The following CAPS2 variants were observed in gnomAD, a reference collection of about 807,000 sequenced individuals.
CAPS2 encodes calcyphosin-2.
A neutral mutation model predicts 86.5 loss-of-function variants in CAPS2; 98 were observed. The ratio of observed to expected loss-of-function variants is 1.13; its 90% CI spans 0.96 to 1.34. CAPS2 has a LOEUF of 1.34. Ranked by LOEUF, CAPS2 falls within the 40% of genes most tolerant of loss-of-function variation. The probability of loss-of-function intolerance (pLI) is 0.00; values close to 1 mark genes in which losing one functional copy is unlikely to be tolerated. For synonymous variants in CAPS2, 210 were observed against 225.1 expected (o/e 0.93, Z 0.60); for missense variants, 729 against 686.8 (o/e 1.06, Z -0.69).
chr12:75,320,287 T>C (rs1263765772), intron 5 of CAPS2, among the ~76,000 whole-genome samples: 1 of 152,160 alleles, frequency 6.6e-6, no homozygotes, highest in Non-Finnish European at 1.5e-5. Context: ...AAAAATATTT[T>C]GAACAATTTT....
At chr12:75,374,325 A>C (rs992638156) in intron 1 of CAPS2, among the ~76,000 whole-genome samples, 1 of 152,174 alleles carries the variant, frequency 6.6e-6, no homozygotes, top group Non-Finnish European at 1.5e-5. Context: ...AACACACCCA[A>C]ATGAGGAATG....
intron 1 of CAPS2, chr12:75,367,078 C>T: frequency 1.4e-6 from 1 of 696,844 alleles, no homozygotes. Context: ...ACAGACAAGC[C>T]AACTGAGATT....
chr12:75,330,244 C>T (rs1453887797), upstream of CAPS2, among the ~76,000 whole-genome samples: 1 of 152,218 alleles, frequency 6.6e-6, no homozygotes, highest in Non-Finnish European at 1.5e-5. Flanking sequence ...CCCCGCCACG[C>T]TCTCAGAAGT....
intron 5 of CAPS2, among the ~76,000 whole-genome samples, chr12:75,319,415 C>A (rs1240420818): frequency 6.6e-6 from 1 of 152,102 alleles, no homozygotes; most frequent in Non-Finnish European, 1.5e-5. Flanking sequence ...TGCTCTCTTG[C>A]CTCCTATGTT....
At chr12:75,358,069 A>G (rs1360503848) in intron 1 of CAPS2, among the ~76,000 whole-genome samples, 1 of 151,792 alleles carries the variant, frequency 6.6e-6, no homozygotes, top group African/African-American at 2.4e-5. Flanking sequence ...AAAGATTAAC[A>G]TTTTATTAAT....
downstream of CAPS2, chr12:75,276,372 G>A (rs2032933683): frequency 4.8e-5 from 66 of 1,372,648 alleles, no homozygotes; most frequent in Non-Finnish European, 6.1e-5. Context: ...ATTCTCTCCT[G>A]AAATACTTGA....
At chr12:75,280,059 G>A (rs2033646814) in intron 16 of CAPS2, among the ~76,000 whole-genome samples, 1 of 151,678 alleles carries the variant, frequency 6.6e-6, no homozygotes, top group African/African-American at 2.4e-5. Flanking sequence ...TCCTCTCGGA[G>A]ACCAGAAAAT....
At chr12:75,362,857 G>A (rs2043698694) in intron 1 of CAPS2, among the ~76,000 whole-genome samples, 1 of 151,984 alleles carries the variant, frequency 6.6e-6, no homozygotes, top group African/African-American at 2.4e-5. Context: ...TAATTACACT[G>A]GGTTCACATC....
Position 75,354,680 on chromosome 12 carries a change from A to C in CAPS2, c.-394-31458T>G, listed in dbSNP as rs143844586. 2.3e-3 allele frequency among the ~76,000 whole-genome samples: 352 copies of C among 152,310 alleles called. 2 individuals are homozygous for C. Among genetic ancestry groups the C allele is most frequent in the African/African-American group, 8.0e-3 (332 of 41,562 alleles). Reference sequence around the variant, plus strand: ...AGGGTTTGTGTAGCCAAGACATCCTAAGCAGAAAAGAACAAAGCTGGAGGA... The same window carrying C: ...AGGGTTTGTGTAGCCAAGACATCCTCAGCAGAAAAGAACAAAGCTGGAGGA... On this transcript the variant is annotated intron_variant, in intron 1 of 5. Transcript: ENST00000551829.
At chr12:75,367,445 T>A (rs1336667214) in intron 1 of CAPS2, among the ~76,000 whole-genome samples, 1 of 152,058 alleles carries the variant, frequency 6.6e-6, no homozygotes, top group Non-Finnish European at 1.5e-5. Context: ...AAAATTGAAA[T>A]ACGAATACAC....
chr12:75,389,931 G>A (rs969809411), intron 1 of CAPS2, among the ~76,000 whole-genome samples: 6 of 152,246 alleles, frequency 3.9e-5, no homozygotes, highest in Admixed American at 3.9e-4. Context: ...AGTCATAGTA[G>A]TAAGTATTCA....
chr12:75,326,154 T>G (rs569915439), intron 1 of CAPS2, among the ~76,000 whole-genome samples: 1 of 152,238 alleles, frequency 6.6e-6, no homozygotes, highest in South Asian at 2.1e-4. Flanking sequence ...CTACTATTTT[T>G]CTTTTTTTAT....
At chr12:75,348,051 T>C (rs2042571426) in intron 1 of CAPS2, among the ~76,000 whole-genome samples, 1 of 152,076 alleles carries the variant, frequency 6.6e-6, no homozygotes, top group Non-Finnish European at 1.5e-5. Flanking sequence ...TTCTCTAATA[T>C]AATATAAAAT....
chr12:75,329,936 C>T, upstream of CAPS2: 7 of 1,383,692 alleles, frequency 5.1e-6, no homozygotes, highest in South Asian at 3.8e-5. Flanking sequence ...ACCTAACAAG[C>T]TCGGTAAGAA....
chr12:75,385,043 A>G (rs2045216190), intron 1 of CAPS2, among the ~76,000 whole-genome samples: 1 of 152,180 alleles, frequency 6.6e-6, no homozygotes, highest in Non-Finnish European at 1.5e-5. Flanking sequence ...AGGGCTTAGT[A>G]AAAAGGGGAA....
At chr12:75,322,961 A>T in intron 4 of CAPS2, 4 of 1,363,856 alleles carry the variant, frequency 2.9e-6, no homozygotes, top group Middle Eastern at 1.8e-4. Flanking sequence ...TTGATAAGCA[A>T]ATAAATACTA....
intron 8 of CAPS2, among the ~76,000 whole-genome samples, chr12:75,303,414 AAGAT>A (rs1209849716): frequency 6.6e-6 from 1 of 152,214 alleles, no homozygotes; most frequent in Non-Finnish European, 1.5e-5. Flanking sequence ...CTATGATATT[AAGAT>A]AGAGAGGTTA....
upstream of CAPS2, among the ~76,000 whole-genome samples, chr12:75,327,261 T>C (rs1040441396): frequency 7.9e-5 from 12 of 152,212 alleles, no homozygotes; most frequent in East Asian, 3.8e-4. Context: ...TTATGAGTTT[T>C]GGTTTTGCCA....
upstream of CAPS2, among the ~76,000 whole-genome samples, chr12:75,333,502 G>A (rs114560892): frequency 3.7e-3 from 569 of 152,170 alleles, 6 homozygotes; most frequent in African/African-American, 0.013. Flanking sequence ...GATATCAGAA[G>A]CTCAGTTTGG....
Sources: gnomAD v4.1 joint callset for allele counts (sites outside exome capture counted in the v4.1 genomes callset) on GRCh38, gnomAD v4.1.1 for gene constraint, MANE v1.5 for transcripts, NCBI Gene and HGNC (gene_info 2026-07-23, HGNC 2026-07-21) for gene names.